PTPRN2: variants seen among roughly 807,000 people sequenced by gnomAD.
PTPRN2 encodes receptor-type tyrosine-protein phosphatase N2.
In PTPRN2, 74 loss-of-function variants were observed where a neutral mutation model predicts 118.8. That is an observed-to-expected ratio of 0.62 (90% CI 0.52 to 0.76). The LOEUF (loss-of-function observed/expected upper bound fraction) is 0.76. PTPRN2 is among the 30% of genes least tolerant of loss of function. The pLI is 0.00. For missense variants in PTPRN2, 1,481 were observed against 1,394.4 expected, an observed-to-expected ratio of 1.06 and a Z score of -0.99; for synonymous variants, 641 against 608.0, an observed-to-expected ratio of 1.05 and a Z score of -0.80.
intron 21 of PTPRN2, among the ~76,000 whole-genome samples, chr7:157,549,402 A>T (rs1436268968): frequency 6.6e-6 from 1 of 150,820 alleles, no homozygotes; most frequent in Non-Finnish European, 1.5e-5. Flanking sequence ...TTGATTGCAT[A>T]GGATTACTTT....
chr7:157,598,713 C>T lies in PTPRN2; in HGVS notation c.2419-3398G>A, dbSNP rs140284456. Among the ~76,000 whole-genome samples the T allele has an allele frequency of 3.4e-3, 521 of 152,356 alleles. 7 individuals carry two copies. Among genetic ancestry groups the T allele is most frequent in the African/African-American group, 0.01 (435 of 41,588 alleles). On this transcript the variant is annotated intron_variant, in intron 16 of 22. Coordinates refer to ENST00000389418, the MANE Select transcript of PTPRN2 (RefSeq NM_002847.5). This position sits in a 1 kb window ranked among gnomAD's most constrained non-coding sequence, Gnocchi z 5.2. ...ATTAGGTGAACGCCAAGCTGTCAGGCGGTCTGCGGCCCGTGAACACGCGTC... is the reference window on the plus strand; with the variant it reads ...ATTAGGTGAACGCCAAGCTGTCAGGTGGTCTGCGGCCCGTGAACACGCGTC...
intron 17 of PTPRN2, among the ~76,000 whole-genome samples, chr7:157,579,072 A>G (rs1800211552): frequency 1.3e-5 from 2 of 152,218 alleles, no homozygotes; most frequent in African/African-American, 4.8e-5. Flanking sequence ...TTGTTATTTT[A>G]AAAACCCTCA....
intron 3 of PTPRN2, among the ~76,000 whole-genome samples, chr7:158,262,847 TACATAC>T (rs1255521754): frequency 7.7e-6 from 1 of 129,252 alleles, no homozygotes; most frequent in African/African-American, 3.0e-5. Flanking sequence ...TACACACACA[TACATAC>T]ATTCACACAC....
chr7:157,858,177 C>T (rs1232066511), intron 12 of PTPRN2, among the ~76,000 whole-genome samples: 2 of 23,476 alleles, frequency 8.5e-5, no homozygotes, highest in Non-Finnish European at 1.5e-4. Flanking sequence ...GCAGGGAGAG[C>T]CTCCCAGCCA....
At chr7:158,445,509 G>C (rs553246989) in intron 2 of PTPRN2, among the ~76,000 whole-genome samples, 1 of 152,176 alleles carries the variant, frequency 6.6e-6, no homozygotes, top group Non-Finnish European at 1.5e-5. Context: ...GTGACCCCGC[G>C]GCCTCTCGGG....
At chr7:158,092,033 TGGGTGGGTGAG>T (rs1814217894) in intron 10 of PTPRN2, among the ~76,000 whole-genome samples, 1 of 132,600 alleles carries the variant, frequency 7.5e-6, no homozygotes, top group South Asian at 2.6e-4. Flanking sequence ...GGTAGAGAGA[TGGGTGGGTGAG>T]GGATAGGTGA....
At chr7:157,985,191 C>A (rs1447260581) in intron 11 of PTPRN2, among the ~76,000 whole-genome samples, 1 of 152,190 alleles carries the variant, frequency 6.6e-6, no homozygotes, top group Non-Finnish European at 1.5e-5. Flanking sequence ...CCAGTGCATT[C>A]CACATAAAAA....
chr7:157,783,429 C>T (rs1431862913), intron 12 of PTPRN2, among the ~76,000 whole-genome samples: 1 of 150,980 alleles, frequency 6.6e-6, no homozygotes, highest in Non-Finnish European at 1.5e-5. Context: ...TCATCGAACG[C>T]ATGTCTGAGC....
At chr7:158,512,181 T>C (rs1823229228) in intron 1 of PTPRN2, among the ~76,000 whole-genome samples, 1 of 152,140 alleles carries the variant, frequency 6.6e-6, no homozygotes, top group Admixed American at 6.5e-5. Context: ...CCTACATAGC[T>C]CTGGAAACGA....
At chr7:158,303,482 AT>A (rs1801045615) in intron 3 of PTPRN2, among the ~76,000 whole-genome samples, 1 of 152,266 alleles carries the variant, frequency 6.6e-6, no homozygotes, top group Non-Finnish European at 1.5e-5. Context: ...CTTCTCCATT[AT>A]TCTATGAAAA....
intron 3 of PTPRN2, among the ~76,000 whole-genome samples, chr7:158,280,337 C>T (rs1042666628): frequency 2.6e-5 from 4 of 152,188 alleles, no homozygotes; most frequent in South Asian, 2.1e-4. Context: ...TAGGGGAGGC[C>T]GGCAGAGCCT....
chr7:157,783,671 G>C (rs1359977994), intron 12 of PTPRN2, among the ~76,000 whole-genome samples: 1 of 151,840 alleles, frequency 6.6e-6, no homozygotes, highest in African/African-American at 2.4e-5. Flanking sequence ...TGAAACAGCA[G>C]AGAAGACGCC....
At chr7:157,650,368 C>T (rs1300340042) in intron 14 of PTPRN2, among the ~76,000 whole-genome samples, 1 of 152,240 alleles carries the variant, frequency 6.6e-6, no homozygotes, top group Non-Finnish European at 1.5e-5. Context: ...ACGCAGTCCT[C>T]AATGGTGAGA....
chr7:157,884,179 C>A (rs1489721006), intron 12 of PTPRN2, among the ~76,000 whole-genome samples: 2 of 151,830 alleles, frequency 1.3e-5, no homozygotes, highest in Admixed American at 1.3e-4. Context: ...CTGTCAGAGA[C>A]CAGAACATAC....
chr7:157,776,111 TCTC>T (rs1480363384), intron 12 of PTPRN2, among the ~76,000 whole-genome samples: 2 of 127,730 alleles, frequency 1.6e-5, no homozygotes, highest in African/African-American at 3.0e-5. Context: ...TCCTCTCTCC[TCTC>T]CTTTTTCACC....
intron 2 of PTPRN2, among the ~76,000 whole-genome samples, chr7:158,338,469 A>C (rs767638188): frequency 3.9e-3 from 57 of 14,716 alleles, no homozygotes; most frequent in South Asian, 6.5e-3. Context: ...GAGGTGACAC[A>C]TGCAGATGTC....
chr7:158,489,846 G>T, intron 1 of PTPRN2, 61 bp from the exon 2 acceptor site: 2 of 1,475,942 alleles, frequency 1.4e-6, no homozygotes, highest in Non-Finnish European at 9.2e-7. Flanking sequence ...TGCCCCCGAG[G>T]CTGCCTTCCT....
chr7:158,477,011 A>G (rs996538809), intron 2 of PTPRN2, among the ~76,000 whole-genome samples: 1 of 152,222 alleles, frequency 6.6e-6, no homozygotes, highest in African/African-American at 2.4e-5. Context: ...TAATACACCA[A>G]ATAAGGCTGA....
chr7:158,041,842 T>C (rs1398330886), intron 11 of PTPRN2, among the ~76,000 whole-genome samples: 1 of 152,226 alleles, frequency 6.6e-6, no homozygotes, highest in East Asian at 1.9e-4. Context: ...CATTGACATG[T>C]GACCCTTCCC....
Sources: allele counts gnomAD v4.1 joint callset (sites outside exome capture counted in the v4.1 genomes callset), GRCh38; gene constraint gnomAD v4.1.1; non-coding constraint Gnocchi (gnomAD v3.1); transcripts MANE v1.5; gene names NCBI Gene and HGNC (gene_info 2026-07-23, HGNC 2026-07-21).